The following BRINP3 variants were observed in gnomAD, a reference collection of about 807,000 sequenced individuals.
The protein encoded by BRINP3 is BMP/retinoic acid inducible neural specific 3, also known as BMP/retinoic acid-inducible neural-specific protein 3.
In BRINP3, 19 loss-of-function variants were observed where a neutral mutation model predicts 71.0. The observed-to-expected ratio is 0.27, with a 90% CI of 0.19 to 0.39. The LOEUF (loss-of-function observed/expected upper bound fraction) is 0.39. BRINP3 is among the 10% of genes least tolerant of loss of function. The probability of loss-of-function intolerance (pLI) is 1.00; values close to 1 mark genes in which losing one functional copy is unlikely to be tolerated. For synonymous variants in BRINP3, 380 were observed against 337.7 expected (o/e 1.13, Z -1.37); for missense variants, 959 against 940.8 (o/e 1.02, Z -0.25).
At chr1:190,216,474 T>C (rs1329812880) in intron 6 of BRINP3, among the ~76,000 whole-genome samples, 2 of 151,912 alleles carry the variant, frequency 1.3e-5, no homozygotes, top group Non-Finnish European at 2.9e-5. Flanking sequence ...TTGATTTCTA[T>C]AAATATTGTT....
chr1:190,266,314 T>C (rs1661659701), intron 3 of BRINP3, among the ~76,000 whole-genome samples: 1 of 152,124 alleles, frequency 6.6e-6, no homozygotes, highest in Non-Finnish European at 1.5e-5. Flanking sequence ...CAGGTGACAA[T>C]CCAATCTTAA....
chr1:190,455,411 C>T (rs922431395), intron 1 of BRINP3, among the ~76,000 whole-genome samples: 6 of 151,830 alleles, frequency 4.0e-5, no homozygotes, highest in South Asian at 2.1e-4. Flanking sequence ...TACATAAACA[C>T]GGAGTAAAAC....
At chr1:190,473,157 T>TAC (rs1167313009) in intron 1 of BRINP3, among the ~76,000 whole-genome samples, 2 of 151,746 alleles carry the variant, frequency 1.3e-5, no homozygotes, top group African/African-American at 4.8e-5. Flanking sequence ...TATATATGTA[T>TAC]ACACACACAC....
chr1:190,121,990 T>C (rs1571759681), intron 7 of BRINP3, among the ~76,000 whole-genome samples: 1 of 152,176 alleles, frequency 6.6e-6, no homozygotes, highest in East Asian at 1.9e-4. Context: ...AGGAGGATAA[T>C]AGAGCAATAT....
chr1:190,318,202 G>C (rs1666013881), intron 2 of BRINP3, among the ~76,000 whole-genome samples: 1 of 151,960 alleles, frequency 6.6e-6, no homozygotes. Context: ...TATAATACCT[G>C]TATTTGCATC....
intron 3 of BRINP3, among the ~76,000 whole-genome samples, chr1:190,274,645 A>G (rs1662394236): frequency 6.6e-6 from 1 of 151,768 alleles, no homozygotes; most frequent in East Asian, 1.9e-4. Context: ...AAAGCCTTAC[A>G]ATATTTTTTG....
At chr1:190,460,876 CT>C (rs150225052) in intron 1 of BRINP3, among the ~76,000 whole-genome samples, 3,814 of 152,250 alleles carry the variant, frequency 0.025, 63 homozygotes, top group Non-Finnish European at 0.041. Flanking sequence ...ATTCTTCCCC[CT>C]AAATATAAGA....
intron 2 of BRINP3, among the ~76,000 whole-genome samples, chr1:190,298,479 T>C (rs770311215): frequency 7.9e-5 from 12 of 152,128 alleles, no homozygotes; most frequent in Non-Finnish European, 1.5e-4. Context: ...TACATTTCTC[T>C]CTCAGCACTG....
At chr1:190,329,797 C>T (rs759289731) in intron 2 of BRINP3, among the ~76,000 whole-genome samples, 85 of 151,904 alleles carry the variant, frequency 5.6e-4, no homozygotes, top group Non-Finnish European at 9.4e-4. Context: ...GACACAAAAA[C>T]AGACTAATGG....
chr1:190,143,204 T>C (rs975570817), intron 7 of BRINP3, among the ~76,000 whole-genome samples: 1 of 152,182 alleles, frequency 6.6e-6, no homozygotes, highest in African/African-American at 2.4e-5. Context: ...TTTTGGCTTA[T>C]GGAGAACAGC....
chr1:190,310,016 A>G (rs984166713), intron 2 of BRINP3, among the ~76,000 whole-genome samples: 1 of 151,534 alleles, frequency 6.6e-6, no homozygotes, highest in Admixed American at 6.6e-5. Context: ...GTAGGCTACA[A>G]TGGCCAATCT....
intron 5 of BRINP3, among the ~76,000 whole-genome samples, chr1:190,230,146 T>C (rs566047994): frequency 5.9e-5 from 9 of 151,734 alleles, no homozygotes; most frequent in Middle Eastern, 3.4e-3. Flanking sequence ...AGATATGAAA[T>C]ACAGAAAATA....
chr1:190,148,523 G>T (rs2102412892), intron 7 of BRINP3, among the ~76,000 whole-genome samples: 1 of 151,788 alleles, frequency 6.6e-6, no homozygotes, highest in East Asian at 1.9e-4. Flanking sequence ...GTGAACCTGG[G>T]AAGTGGAGCT....
intron 2 of BRINP3, among the ~76,000 whole-genome samples, chr1:190,437,365 C>A (rs1433458654): frequency 6.6e-6 from 1 of 151,768 alleles, no homozygotes; most frequent in Admixed American, 6.6e-5. Context: ...ATAACTTTAT[C>A]ATTCCAGGAA....
chr1:190,404,887 T>G (rs1055566614), intron 2 of BRINP3, among the ~76,000 whole-genome samples: 1 of 152,212 alleles, frequency 6.6e-6, no homozygotes, highest in African/African-American at 2.4e-5. Context: ...GTTCCCAGTT[T>G]GTCAACTGGC....
chr1:190,413,448 T>A (rs145022569), intron 2 of BRINP3, among the ~76,000 whole-genome samples: 2 of 152,190 alleles, frequency 1.3e-5, no homozygotes, highest in African/African-American at 4.8e-5. Context: ...AAGTAAAATA[T>A]CTTTAAATGA....
chr1:190,252,417 C>T (rs1018438396), intron 4 of BRINP3, among the ~76,000 whole-genome samples: 2 of 152,002 alleles, frequency 1.3e-5, no homozygotes, highest in African/African-American at 2.4e-5. Context: ...TTTCTTTCTG[C>T]TTATTGAAAG....
At chr1:190,417,298 G>C (rs543591686) in intron 2 of BRINP3, among the ~76,000 whole-genome samples, 1 of 151,870 alleles carries the variant, frequency 6.6e-6, no homozygotes, top group Non-Finnish European at 1.5e-5. Flanking sequence ...TATATCATTG[G>C]ACTTCATTCT....
At chr1:190,158,640 T>G (rs1419699387) in intron 7 of BRINP3, among the ~76,000 whole-genome samples, 1 of 152,054 alleles carries the variant, frequency 6.6e-6, no homozygotes, top group Non-Finnish European at 1.5e-5. Flanking sequence ...AAGAATGTTT[T>G]ATTCCCAAAA....
Sources: allele counts gnomAD v4.1 joint callset (sites outside exome capture counted in the v4.1 genomes callset), GRCh38; gene constraint gnomAD v4.1.1; transcripts MANE v1.5; gene names NCBI Gene and HGNC (gene_info 2026-07-23, HGNC 2026-07-21).